SORD: variants seen among roughly 807,000 people sequenced by gnomAD.
SORD encodes the protein (R,R)-butanediol dehydrogenase.
SORD carries 18 observed loss-of-function variants against 35.6 expected under a neutral mutation model. The ratio of observed to expected loss-of-function variants is 0.51; its 90% CI spans 0.35 to 0.75. The LOEUF (loss-of-function observed/expected upper bound fraction) is 0.75. Ranked by LOEUF, SORD falls within the 30% of genes least tolerant of loss-of-function variation. The pLI is 0.01. For missense variants in SORD, 250 were observed against 390.2 expected (o/e 0.64, Z 3.03); for synonymous variants, 106 against 152.9 (o/e 0.69, Z 2.26).
intron 4 of SORD, among the ~76,000 whole-genome samples, chr15:45,063,623 T>C (rs1376571023): frequency 1.3e-5 from 2 of 152,128 alleles, no homozygotes; most frequent in Admixed American, 1.3e-4. Flanking sequence ...AGAGTATTCT[T>C]CCTGATAACA....
chr15:45,039,240 T>C (rs1468046891), intron 1 of SORD, among the ~76,000 whole-genome samples: 2 of 152,102 alleles, frequency 1.3e-5, no homozygotes, highest in Non-Finnish European at 2.9e-5. Flanking sequence ...GCAATTCTCC[T>C]GCCTCAGCCT....
At chr15:45,069,305 C>A (rs1446849324) in intron 7 of SORD, among the ~76,000 whole-genome samples, 4 of 141,452 alleles carry the variant, frequency 2.8e-5, no homozygotes, top group Admixed American at 1.6e-4. Context: ...CTCCTGGGTT[C>A]ACGCCATTTT....
intron 1 of SORD, among the ~76,000 whole-genome samples, chr15:45,037,956 TTAAAG>T (rs1294289042): frequency 6.7e-6 from 1 of 149,770 alleles, no homozygotes; most frequent in African/African-American, 2.5e-5. Context: ...ATCCCAGAAC[TTAAAG>T]TAAAAAAAAA....
intron 3 of SORD, among the ~76,000 whole-genome samples, chr15:45,044,090 A>T (rs1397289135): frequency 5.3e-5 from 8 of 152,350 alleles, no homozygotes; most frequent in Middle Eastern, 3.4e-3. Flanking sequence ...TCTGAGCCCA[A>T]CCACATGGAG....
At chr15:45,051,129 T>C (rs1405669028) in intron 3 of SORD, among the ~76,000 whole-genome samples, 2 of 152,144 alleles carry the variant, frequency 1.3e-5, no homozygotes, top group Non-Finnish European at 2.9e-5. Flanking sequence ...AAGACAACAA[T>C]TGTCTGTGAA....
intron 3 of SORD, among the ~76,000 whole-genome samples, chr15:45,060,221 G>A (rs867651961): frequency 2.0e-5 from 3 of 151,988 alleles, no homozygotes; most frequent in Non-Finnish European, 4.4e-5. Context: ...TGAGACAGAG[G>A]GGTAGATGGA....
chr15:45,039,676 C>T (rs1173884788), intron 1 of SORD, among the ~76,000 whole-genome samples: 3 of 152,170 alleles, frequency 2.0e-5, no homozygotes, highest in Non-Finnish European at 4.4e-5. Context: ...CCAAGGGGCC[C>T]CTCAAATGCC....
At chr15:45,056,966 G>A (rs1310961313) in intron 3 of SORD, among the ~76,000 whole-genome samples, 1 of 152,186 alleles carries the variant, frequency 6.6e-6, no homozygotes, top group Non-Finnish European at 1.5e-5. Context: ...ATGCATATCT[G>A]TGGAATACTC....
At chr15:45,047,847 G>C (rs1459082666) in intron 3 of SORD, among the ~76,000 whole-genome samples, 1 of 152,224 alleles carries the variant, frequency 6.6e-6, no homozygotes, top group Non-Finnish European at 1.5e-5. Context: ...TCTGGGCTCA[G>C]GCAGGGGGTC....
At chr15:45,027,959 C>G (rs1892704632) in intron 1 of SORD, among the ~76,000 whole-genome samples, 1 of 152,244 alleles carries the variant, frequency 6.6e-6, no homozygotes, top group Admixed American at 6.5e-5. Context: ...AATGAAGGGC[C>G]AATTTTACTT....
At chr15:45,041,978 T>G (rs1172009820) in intron 2 of SORD, among the ~76,000 whole-genome samples, 1 of 152,156 alleles carries the variant, frequency 6.6e-6, no homozygotes, top group East Asian at 1.9e-4. Flanking sequence ...ACCCTGCCAT[T>G]TCTTACTCTT....
chr15:45,032,815 T>C (rs978766091), intron 1 of SORD, among the ~76,000 whole-genome samples: 7 of 151,874 alleles, frequency 4.6e-5, no homozygotes, highest in Non-Finnish European at 8.8e-5. Flanking sequence ...AAATAGCCAA[T>C]TGGGAAACCT....
chr15:45,027,851 C>T (rs575232315), intron 1 of SORD, among the ~76,000 whole-genome samples: 21 of 152,168 alleles, frequency 1.4e-4, no homozygotes, highest in Non-Finnish European at 2.8e-4. Context: ...AGGGTTCACT[C>T]GAATGGTAAG....
intron 3 of SORD, among the ~76,000 whole-genome samples, chr15:45,056,542 G>T (rs1006087528): frequency 2.6e-5 from 4 of 152,146 alleles, no homozygotes; most frequent in African/African-American, 4.8e-5. Flanking sequence ...AATCAATATC[G>T]TGAAAATGGC....
chr15:45,058,756 T>C (rs529443134), intron 3 of SORD: 2 of 152,308 alleles, frequency 1.3e-5, no homozygotes, highest in Admixed American at 1.3e-4. Flanking sequence ...AAGAGGGTTG[T>C]TGTTTTCCAG....
chr15:45,058,176 C>G (rs774036524), intron 3 of SORD, among the ~76,000 whole-genome samples: 1 of 152,058 alleles, frequency 6.6e-6, no homozygotes, highest in African/African-American at 2.4e-5. Flanking sequence ...GTCCTGGTGC[C>G]GACACCGTGA....
intron 1 of SORD, among the ~76,000 whole-genome samples, 178 bp from the exon 2 acceptor site, chr15:45,040,230 A>G: frequency 6.6e-6 from 1 of 151,904 alleles, no homozygotes; most frequent in Non-Finnish European, 1.5e-5. Context: ...AGGTGTGTGC[A>G]GCGTGCCATT....
At chr15:45,070,867 C>T (rs1893500174) in intron 7 of SORD, 1 of 147,188 alleles carries the variant, frequency 6.8e-6, no homozygotes, top group Non-Finnish European at 1.5e-5. Flanking sequence ...GGCATTTCCA[C>T]TGTTGACGGT....
chr15:45,065,898 T>G (rs934837757), intron 5 of SORD, among the ~76,000 whole-genome samples: 30 of 151,814 alleles, frequency 2.0e-4, no homozygotes, highest in Non-Finnish European at 2.6e-4. Flanking sequence ...CCAGTCTGGG[T>G]GACAGAACAA....
Sources: gnomAD v4.1 joint callset for allele counts (sites outside exome capture counted in the v4.1 genomes callset) on GRCh38, gnomAD v4.1.1 for gene constraint, MANE v1.5 for transcripts, NCBI Gene and HGNC (gene_info 2026-07-23, HGNC 2026-07-21) for gene names.